Variants in TLL1 observed in about 807,000 individuals in gnomAD.
TLL1 encodes tolloid-like protein 1.
In TLL1, 49 loss-of-function variants were observed where a neutral mutation model predicts 128.2. That is an observed-to-expected ratio of 0.38 (90% CI 0.30 to 0.48). TLL1 has a LOEUF of 0.48. Among genes scored for constraint, TLL1 ranks in the 20% least tolerant of loss-of-function variants. The pLI is 0.96. For missense variants in TLL1, 1,123 were observed against 1,242.0 expected (o/e 0.90, Z 1.44); for synonymous variants, 454 against 418.8 (o/e 1.08, Z -1.03).
At chr4:166,046,632 G>A (rs1379791368) in intron 12 of TLL1, among the ~76,000 whole-genome samples, 4 of 152,162 alleles carry the variant, frequency 2.6e-5, no homozygotes, top group Non-Finnish European at 5.9e-5. Flanking sequence ...TGTGCCCATT[G>A]CCAGCTGTGA....
At chr4:165,897,940 T>G (rs1193757145) in intron 1 of TLL1, among the ~76,000 whole-genome samples, 1 of 152,174 alleles carries the variant, frequency 6.6e-6, no homozygotes, top group Non-Finnish European at 1.5e-5. Context: ...GAAGAGGTGC[T>G]TCACATCCGT....
chr4:166,094,700 T>C (rs1741941153), intron 19 of TLL1, among the ~76,000 whole-genome samples: 1 of 152,172 alleles, frequency 6.6e-6, no homozygotes, highest in Admixed American at 6.5e-5. Flanking sequence ...TTTTTTATGT[T>C]ACTTGTTTGT....
intron 1 of TLL1, among the ~76,000 whole-genome samples, chr4:165,893,630 C>G (rs148634070): frequency 1.1e-3 from 160 of 152,288 alleles, no homozygotes; most frequent in African/African-American, 3.6e-3. Flanking sequence ...TGGGAGGACA[C>G]TCCCTATGGC....
chr4:165,982,714 G>C (rs1470309521), intron 1 of TLL1, among the ~76,000 whole-genome samples: 5 of 144,696 alleles, frequency 3.5e-5, no homozygotes, highest in Non-Finnish European at 7.5e-5. Flanking sequence ...CTTCCAGTGG[G>C]TAAGCCATAG....
chr4:166,014,556 T>C lies in TLL1; in HGVS notation c.1038T>C (p.Cys346=). ...CACAGGCAAGAAAGCTGTATAGATG[T>C]CCAGGTATTGCACTACACAAACACA... ...DIAQARKLYR[C]PACGETLQES... is the part of the protein sequence containing the mutation. The change falls in exon 8 of 21, where the codon TGT becomes TGC. Residue 346 remains cysteine, a synonymous_variant. Coordinates refer to ENST00000061240, the MANE Select transcript of TLL1 (RefSeq NM_012464.5). 5 of 1,611,764 alleles carry C rather than the reference T, an allele frequency of 3.1e-6. No individual in the cohort carries two copies. The highest frequency in any genetic ancestry group is 2.2e-5 in the East Asian group (1 of 44,826).
intron 9 of TLL1, among the ~76,000 whole-genome samples, chr4:166,034,704 T>C (rs1738919589): frequency 1.3e-5 from 2 of 152,126 alleles, no homozygotes; most frequent in South Asian, 4.1e-4. Context: ...CCTATAGGAT[T>C]TGACAATTAA....
intron 1 of TLL1, among the ~76,000 whole-genome samples, chr4:165,938,374 C>T (rs1235571395): frequency 6.6e-6 from 1 of 151,994 alleles, no homozygotes; most frequent in East Asian, 1.9e-4. Flanking sequence ...TGCCTTAGTG[C>T]AGGTCTTCAT....
At chr4:166,081,974 A>G (rs1053773332) in intron 18 of TLL1, among the ~76,000 whole-genome samples, 2 of 152,172 alleles carry the variant, frequency 1.3e-5, no homozygotes, top group African/African-American at 4.8e-5. Context: ...TCTTGCCAAT[A>G]TTCGACTTGA....
chr4:166,004,927 G>A (rs976029843), intron 6 of TLL1, among the ~76,000 whole-genome samples: 1 of 151,128 alleles, frequency 6.6e-6, no homozygotes, highest in Non-Finnish European at 1.5e-5. Flanking sequence ...CAGACTTATA[G>A]CGATCGTTAA....
chr4:166,020,624 A>T (rs900790884), intron 8 of TLL1, among the ~76,000 whole-genome samples: 1 of 152,000 alleles, frequency 6.6e-6, no homozygotes, highest in Non-Finnish European at 1.5e-5. Context: ...TCTTATTACT[A>T]AGATGCTTAA....
Position 166,077,934 on chromosome 4 carries a change from T to G in TLL1, c.2346T>G (p.Ser782Arg). 1 of 1,613,624 alleles carries G rather than the reference T, an allele frequency of 6.2e-7. No individual in the cohort carries two copies. Among genetic ancestry groups the G allele is most frequent in the Non-Finnish European group, 8.5e-7 (1 of 1,179,736 alleles). Residue 782 changes from serine (S) to arginine (R), a missense_variant, in exon 18 of 21, where the codon AGT (serine) becomes AGG (arginine). By Grantham distance (110) the Ser-to-Arg change is moderately radical (BLOSUM62 -1). Coordinates refer to ENST00000061240, the MANE Select transcript of TLL1 (RefSeq NM_012464.5). ...GTGAACAGAAGATCCACAGTCCAAG[T>G]GGCCTCATCACCAGTCCCAACTGGC... is the stretch of plus-strand genomic sequence containing the variant. The part of the protein sequence containing the change: ...AECEQKIHSP[S>R]GLITSPNWPD...
chr4:166,011,677 A>G (rs1234444684), intron 7 of TLL1, among the ~76,000 whole-genome samples: 2 of 151,522 alleles, frequency 1.3e-5, no homozygotes, highest in Admixed American at 6.6e-5. Context: ...TGTGTTGAAT[A>G]TAAGTGACAA....
At position 166,091,485 on chromosome 4, in the gene TLL1, A is replaced by G. The variant is rs1041927465; in HGVS notation, c.2656+144A>G. ...CTGAAGCACTTTGTGAAATATTTGCAGAACCATACAGCATCCTACCTAAAG... is the reference window on the plus strand; with the variant it reads ...CTGAAGCACTTTGTGAAATATTTGCGGAACCATACAGCATCCTACCTAAAG... On this transcript the variant is annotated intron_variant, in intron 19 of 20. Coordinates refer to ENST00000061240, the MANE Select transcript of TLL1 (RefSeq NM_012464.5). 13 of 683,956 alleles carry G rather than the reference A, an allele frequency of 1.9e-5. No homozygotes were observed. In the Admixed American group the frequency reaches 2.5e-4, roughly 13 times the overall value. The allele number at this position is 683,956 out of a possible 1,614,324, so 42.4% of individuals were successfully genotyped here.
intron 8 of TLL1, among the ~76,000 whole-genome samples, chr4:166,021,721 G>A (rs1009413466): frequency 1.3e-5 from 2 of 152,080 alleles, no homozygotes; most frequent in Non-Finnish European, 1.5e-5. Flanking sequence ...GTAAGCCACC[G>A]CGCCTGGCCT....
At chr4:166,023,327 G>A (rs1407209939) in intron 8 of TLL1, among the ~76,000 whole-genome samples, 1 of 152,276 alleles carries the variant, frequency 6.6e-6, no homozygotes, top group South Asian at 2.1e-4. Context: ...TTGAACCTGG[G>A]AGGTGGAGGT....
At chr4:165,986,431 T>A (rs1736396292) in intron 1 of TLL1, among the ~76,000 whole-genome samples, 1 of 152,032 alleles carries the variant, frequency 6.6e-6, no homozygotes, top group Admixed American at 6.6e-5. Context: ...AACGTGCCTT[T>A]TTTTTTCTGT....
rs187670238 is a variant in TLL1, at chr4:165,957,260, G to C, written c.170-32121G>C. Among the ~76,000 whole-genome samples, 8 of 152,138 alleles carry C rather than the reference G, an allele frequency of 5.3e-5. No homozygotes were observed. The East Asian group carries it at 1.4e-3, about 26-fold the overall frequency. On this transcript the variant is annotated intron_variant, in intron 1 of 20. Transcript: ENST00000061240. Reference sequence around the variant, plus strand: ...CAATAGTCAGTAAGGACAAAGAAGGGCATTACATAGTGGTAAAGGATTCAA... The same window carrying C: ...CAATAGTCAGTAAGGACAAAGAAGGCCATTACATAGTGGTAAAGGATTCAA...
chr4:165,939,410 T>C (rs1413325985), intron 1 of TLL1, among the ~76,000 whole-genome samples: 1 of 152,148 alleles, frequency 6.6e-6, no homozygotes, highest in Non-Finnish European at 1.5e-5. Context: ...TCCTATATCT[T>C]GCATCTGACT....
chr4:166,067,741 G>A (rs1740633402), intron 16 of TLL1, among the ~76,000 whole-genome samples: 1 of 151,686 alleles, frequency 6.6e-6, no homozygotes, highest in Admixed American at 6.6e-5. Flanking sequence ...TTGTTTGATG[G>A]AGTATAAGCA....
Sources: allele counts gnomAD v4.1 joint callset (sites outside exome capture counted in the v4.1 genomes callset), GRCh38; gene constraint gnomAD v4.1.1; transcripts MANE v1.5; gene names NCBI Gene and HGNC (gene_info 2026-07-23, HGNC 2026-07-21).